The following SENP2 variants were observed in gnomAD, a reference collection of about 807,000 sequenced individuals.
SENP2 encodes the protein SUMO specific peptidase 2, also known as sentrin-specific protease 2.
Under a neutral mutation model 86.3 loss-of-function variants are expected in SENP2, and 16 were observed. That is an observed-to-expected ratio of 0.19 (90% CI 0.13 to 0.28). The LOEUF is 0.28. SENP2 is among the 10% of genes least tolerant of loss of function. SENP2 has a pLI of 1.00. For synonymous variants in SENP2, 222 were observed against 238.7 expected (o/e 0.93, Z 0.64); for missense variants, 552 against 703.0 (o/e 0.79, Z 2.43).
At chr3:185,611,283 CAA>C (rs1722679845) in intron 7 of SENP2, among the ~76,000 whole-genome samples, 1 of 152,194 alleles carries the variant, frequency 6.6e-6, no homozygotes, top group African/African-American at 2.4e-5. Flanking sequence ...TCTCAAAAAA[CAA>C]AAAGTTCTTG....
At chr3:185,600,389 A>G (rs1033698692) in intron 4 of SENP2, among the ~76,000 whole-genome samples, 5 of 152,198 alleles carry the variant, frequency 3.3e-5, no homozygotes, top group African/African-American at 1.2e-4. Flanking sequence ...AGAATTTTTC[A>G]TATTTTAGGT....
At chr3:185,616,196 G>A (rs1052626156) in intron 11 of SENP2, among the ~76,000 whole-genome samples, 2 of 148,406 alleles carry the variant, frequency 1.3e-5, no homozygotes, top group African/African-American at 4.9e-5. Flanking sequence ...GGCGAGAATG[G>A]GCGTGGTGGC....
chr3:185,628,418 T>A lies in SENP2; in HGVS notation c.1708-1364T>A, dbSNP rs535233195. Among the ~76,000 whole-genome samples, 9 of 152,280 alleles carry A rather than the reference T, an allele frequency of 5.9e-5. No individual in the cohort carries two copies. In the East Asian group the frequency reaches 1.7e-3, roughly 29 times the overall value. Reference sequence around the variant, plus strand: ...TTCCAAAGTGCTGGGATTACAGGCATGTGCCACCACGCCCGGTGACATCAC... The same window carrying A: ...TTCCAAAGTGCTGGGATTACAGGCAAGTGCCACCACGCCCGGTGACATCAC... On this transcript the variant is annotated intron_variant, in intron 16 of 16. Coordinates refer to ENST00000296257, the MANE Select transcript of SENP2 (RefSeq NM_021627.3).
At chr3:185,629,394 T>C (rs371843790) in intron 16 of SENP2, among the ~76,000 whole-genome samples, 7 of 152,076 alleles carry the variant, frequency 4.6e-5, no homozygotes, top group African/African-American at 1.7e-4. Flanking sequence ...CTGGCCAACA[T>C]GGTGAAACCC....
intron 16 of SENP2, among the ~76,000 whole-genome samples, chr3:185,628,995 CTAA>C (rs1284062903): frequency 1.8e-4 from 28 of 152,028 alleles, no homozygotes; most frequent in African/African-American, 6.8e-4. Context: ...TTCTCTGAAC[CTAA>C]TAAGATGAGA....
At chr3:185,626,274 C>A in intron 15 of SENP2, 24 bp from the exon 16 acceptor site, 1 of 1,500,662 alleles carries the variant, frequency 6.7e-7, no homozygotes, top group Non-Finnish European at 9.2e-7. Context: ...CCTTTCCTCT[C>A]TTCTTTTTTC....
chr3:185,590,151 G>A lies in SENP2; in HGVS notation c.139G>A (p.Ala47Thr), dbSNP rs1363399142. The A allele has an allele frequency of 6.4e-7, 1 of 1,551,492 alleles. No homozygotes were observed. The highest frequency in any genetic ancestry group is 8.7e-7 in the Non-Finnish European group (1 of 1,148,218). The change falls in exon 2 of 17, where the codon GCC (alanine) becomes ACC (threonine). Residue 47 changes from alanine (A) to threonine (T), a missense_variant. By Grantham distance (58) the Ala-to-Thr change is moderately conservative. Transcript: ENST00000296257. ...FSTVDTDEIPAKRPRLDCFIH... is the reference protein window; with the variant it reads ...FSTVDTDEIPTKRPRLDCFIH... Reference sequence around the variant, plus strand: ...TACAGTGGACACTGATGAAATACCAGCCAAAAGACCAAGATTAGGTACTGA... The same window carrying A: ...TACAGTGGACACTGATGAAATACCAACCAAAAGACCAAGATTAGGTACTGA...
chr3:185,596,631 A>AG (rs1353575759), intron 2 of SENP2, among the ~76,000 whole-genome samples: 2 of 152,164 alleles, frequency 1.3e-5, no homozygotes, highest in East Asian at 3.9e-4. Flanking sequence ...AAAAAAAAAA[A>AG]AAAAGCTGCA....
chr3:185,610,154 C>CTT (rs557832407), intron 7 of SENP2, among the ~76,000 whole-genome samples: 566 of 114,904 alleles, frequency 4.9e-3, no homozygotes, highest in Non-Finnish European at 6.2e-3. Context: ...TATTATCTAG[C>CTT]TTTTTTTTTT....
At position 185,611,383 on chromosome 3, in the gene SENP2, T is replaced by G; in HGVS notation, c.723-268T>G. 3 of 302,118 alleles carry G rather than the reference T, an allele frequency of 9.9e-6. No individual in the cohort carries two copies. The South Asian group carries it at 2.2e-4, about 22-fold the overall frequency. 18.7% of individuals were successfully genotyped at this position (302,118 alleles called of 1,614,324 possible). A position where few individuals can be genotyped will look rare whatever the true frequency, so the allele number is the denominator to read the frequency against. ...ATCTGAGTTTTATCACACTGAGATT[T>G]TTCAGTTAGTGCATCACTGGGGATT... On this transcript the variant is annotated intron_variant, in intron 7 of 16. Transcript: ENST00000296257.
At chr3:185,621,331 T>TAA (rs11388775) in intron 13 of SENP2, among the ~76,000 whole-genome samples, 8,577 of 122,490 alleles carry the variant, frequency 0.07, 377 homozygotes, top group South Asian at 0.23. Context: ...CATTTTTAAC[T>TAA]AAAAAAAAAA....
chr3:185,591,253 A>G (rs1002890996), intron 2 of SENP2, among the ~76,000 whole-genome samples: 1 of 151,870 alleles, frequency 6.6e-6, no homozygotes, highest in Non-Finnish European at 1.5e-5. Context: ...AGAGGTAACT[A>G]CTGTTACCAG....
At chr3:185,602,242 T>C (rs1722369842) in intron 5 of SENP2, among the ~76,000 whole-genome samples, 1 of 152,142 alleles carries the variant, frequency 6.6e-6, no homozygotes, top group South Asian at 2.1e-4. Flanking sequence ...TATTTAGGAA[T>C]GAGAAACTAA....
intron 16 of SENP2, among the ~76,000 whole-genome samples, chr3:185,628,663 C>T (rs1187433271): frequency 6.6e-6 from 1 of 152,106 alleles, no homozygotes; most frequent in Non-Finnish European, 1.5e-5. Flanking sequence ...TGCGCCACCA[C>T]CCCTGGCTAA....
chr3:185,603,445 A>G (rs1462927795), intron 5 of SENP2, among the ~76,000 whole-genome samples: 1 of 152,220 alleles, frequency 6.6e-6, no homozygotes, highest in Non-Finnish European at 1.5e-5. Context: ...CTACAAAACC[A>G]TAGGCCTGTA....
intron 2 of SENP2, 126 bp from the exon 3 acceptor site, chr3:185,598,286 G>A: frequency 2.0e-6 from 2 of 1,020,286 alleles, no homozygotes; most frequent in South Asian, 2.9e-5. Context: ...GATTACAGGT[G>A]TGAGCCACCA....
In SENP2 at chr3:185,632,212, GGTTTTTTTTTT is replaced by G; in HGVS notation, c.*2380_*2390del. 8.7e-6 allele frequency: 1 copy of G among 114,534 alleles called. No individual in the cohort carries two copies. The highest frequency in any genetic ancestry group is 9.3e-5 in the Admixed American group (1 of 10,802). The allele number at this position is 114,534 out of a possible 1,614,324, so 7.1% of individuals were successfully genotyped here. A position where few individuals can be genotyped will look rare whatever the true frequency, so the allele number is the denominator to read the frequency against. The stretch of plus-strand genomic sequence containing the variant: ...GCAAATTATCACCATTAAAGCCAGT[GGTTTTTTTTTT>G]GTTTTTTTTTTTTGTTTTTTTTTTT... On this transcript the variant is annotated 3_prime_UTR_variant, in exon 17 of 17. Coordinates refer to ENST00000296257, the MANE Select transcript of SENP2 (RefSeq NM_021627.3).
intron 5 of SENP2, among the ~76,000 whole-genome samples, chr3:185,602,148 TCC>T (rs1467180881): frequency 6.6e-6 from 1 of 152,172 alleles, no homozygotes; most frequent in Non-Finnish European, 1.5e-5. Flanking sequence ...TTATGCCGTC[TCC>T]CTCCATGTTT....
intron 14 of SENP2, among the ~76,000 whole-genome samples, chr3:185,623,730 G>A (rs988399082): frequency 6.7e-6 from 1 of 149,416 alleles, no homozygotes; most frequent in African/African-American, 2.5e-5. Context: ...GGGAGGCTAA[G>A]TCAGGAGAAT....
Sources: gnomAD v4.1 joint callset for allele counts (sites outside exome capture counted in the v4.1 genomes callset) on GRCh38, gnomAD v4.1.1 for gene constraint, MANE v1.5 for transcripts, NCBI Gene and HGNC (gene_info 2026-07-23, HGNC 2026-07-21) for gene names.